Variants in STRBP observed in about 807,000 individuals in gnomAD.
The protein encoded by STRBP is spermatid perinuclear RNA-binding protein.
A neutral mutation model predicts 80.1 loss-of-function variants in STRBP; 13 were observed. The ratio of observed to expected loss-of-function variants is 0.16; its 90% CI spans 0.11 to 0.26. The LOEUF (loss-of-function observed/expected upper bound fraction) is 0.26. STRBP is among the 10% of genes least tolerant of loss of function. The pLI, the probability that STRBP is intolerant of heterozygous loss-of-function variation, is 1.00. For missense variants in STRBP, 485 were observed against 815.2 expected (o/e 0.59, Z 4.93); for synonymous variants, 284 against 291.2 (o/e 0.98, Z 0.25).
At chr9:123,206,277 T>C (rs2039510836) in intron 2 of STRBP, among the ~76,000 whole-genome samples, 1 of 152,220 alleles carries the variant, frequency 6.6e-6, no homozygotes, top group South Asian at 2.1e-4. Flanking sequence ...TGTAATCATA[T>C]TTTAAATACC....
At chr9:123,156,286 C>T (rs983022793) in intron 11 of STRBP, among the ~76,000 whole-genome samples, 32 of 152,062 alleles carry the variant, frequency 2.1e-4, no homozygotes, top group African/African-American at 7.2e-4. Flanking sequence ...ATGTAAATCC[C>T]TTTCAATAAT....
At chr9:123,152,129 A>C (rs546516000) in intron 11 of STRBP, among the ~76,000 whole-genome samples, 8 of 152,218 alleles carry the variant, frequency 5.3e-5, no homozygotes, top group Non-Finnish European at 1.0e-4. Context: ...TCCTATGCTT[A>C]TTAAGGGAAT....
chr9:123,221,982 T>C (rs1234166426), intron 2 of STRBP, among the ~76,000 whole-genome samples: 2 of 152,186 alleles, frequency 1.3e-5, no homozygotes, highest in East Asian at 1.9e-4. Flanking sequence ...CCAGTGATCG[T>C]CCTTACCTGA....
In STRBP at chr9:123,235,004, G is replaced by T. The variant is rs944654339; in HGVS notation, c.-165+1826C>A. Among the ~76,000 whole-genome samples the T allele has an allele frequency of 2.5e-4, 37 of 147,760 alleles. 1 individual carries two copies. The highest frequency in any genetic ancestry group is 6.0e-4 in the East Asian group (3 of 5,010). ...TCAACTGGCTTTTTTTTTGGGGGGG[G>T]GGGGTACTGGGTATTCAGGTTATAA... is the stretch of plus-strand genomic sequence containing the variant. On this transcript the variant is annotated intron_variant, in intron 2 of 18. Transcript: ENST00000348403.
At chr9:123,200,545 C>T (rs1235073524) in intron 2 of STRBP, among the ~76,000 whole-genome samples, 1 of 148,672 alleles carries the variant, frequency 6.7e-6, no homozygotes, top group African/African-American at 2.5e-5. Flanking sequence ...TGATCCTGGG[C>T]TTTTTCTGTT....
downstream of STRBP, among the ~76,000 whole-genome samples, chr9:123,119,616 C>T (rs1035156888): frequency 2.0e-5 from 3 of 152,034 alleles, no homozygotes; most frequent in African/African-American, 4.8e-5. Flanking sequence ...ACCAAGGAAC[C>T]GACACAGCTC....
At chr9:123,234,739 C>G (rs1472522939) in intron 2 of STRBP, among the ~76,000 whole-genome samples, 1 of 152,064 alleles carries the variant, frequency 6.6e-6, no homozygotes, top group African/African-American at 2.4e-5. Flanking sequence ...GGAAGCAGAT[C>G]ACTTGAGGTC....
At chr9:123,200,560 AT>A (rs1243929923) in intron 2 of STRBP, among the ~76,000 whole-genome samples, 1 of 146,316 alleles carries the variant, frequency 6.8e-6, no homozygotes, top group Non-Finnish European at 1.5e-5. Context: ...TCTGTTGGCA[AT>A]TTTTTTGTCT....
intron 1 of STRBP, among the ~76,000 whole-genome samples, chr9:123,253,995 C>T (rs1448260039): frequency 6.6e-6 from 1 of 152,112 alleles, no homozygotes. Context: ...TTCATTTAAA[C>T]TGAATCGTTC....
intron 2 of STRBP, among the ~76,000 whole-genome samples, chr9:123,219,082 A>C (rs1169018823): frequency 7.9e-6 from 1 of 127,156 alleles, no homozygotes; most frequent in Non-Finnish European, 1.5e-5. Flanking sequence ...CCCTGTAAAT[A>C]ATCACTGTAT....
At chr9:123,177,411 CT>C in intron 4 of STRBP, among the ~76,000 whole-genome samples, 2 of 151,128 alleles carry the variant, frequency 1.3e-5, no homozygotes, top group Middle Eastern at 6.8e-3. Flanking sequence ...AAACGAAATT[CT>C]TTTTTTTTAA....
At chr9:123,262,838 C>A (rs2041186777) in intron 1 of STRBP, among the ~76,000 whole-genome samples, 1 of 152,170 alleles carries the variant, frequency 6.6e-6, no homozygotes, top group East Asian at 1.9e-4. Context: ...CAAATCAGGT[C>A]ACTTGGTCAC....
Position 123,146,846 on chromosome 9 carries a change from A to G in STRBP, c.1338+9T>C. ...AAGAAAGCATTGCAAAGTAAAACAA[A>G]TACTGTACCTTCACCGCTACGTGAA... On this transcript the variant is annotated intron_variant, in intron 13 of 18. Coordinates refer to ENST00000348403, the MANE Select transcript of STRBP (RefSeq NM_018387.5). 1 of 1,600,154 alleles carries G rather than the reference A, an allele frequency of 6.2e-7. No individual in the cohort carries two copies. The highest frequency in any genetic ancestry group is 8.5e-7 in the Non-Finnish European group (1 of 1,170,454).
chr9:123,191,069 G>T lies in STRBP; in HGVS notation c.-164-6771C>A, dbSNP rs76063996. ...CCCTTGTGGTTTAAGTCCAGAAGAGGGAAATAATCAAAAGACAATAAATAT... is the reference window on the plus strand; with the variant it reads ...CCCTTGTGGTTTAAGTCCAGAAGAGTGAAATAATCAAAAGACAATAAATAT... On this transcript the variant is annotated intron_variant, in intron 2 of 18. Coordinates refer to ENST00000348403, the MANE Select transcript of STRBP (RefSeq NM_018387.5). 1.3e-3 allele frequency among the ~76,000 whole-genome samples: 204 copies of T among 152,204 alleles called. 3 individuals are homozygous for T. The East Asian group carries it at 0.033, about 24-fold the overall frequency.
Position 123,123,169 on chromosome 9 carries a change from C to T in STRBP, c.*2428G>A, listed in dbSNP as rs1243419712. 2.0e-5 allele frequency: 20 copies of T among 985,308 alleles called. No individual in the cohort carries two copies. In the East Asian group the frequency reaches 8.0e-4, roughly 39 times the overall value. The allele number at this position is 985,308 out of a possible 1,614,324, so 61.0% of individuals were successfully genotyped here. On this transcript the variant is annotated 3_prime_UTR_variant, in exon 19 of 19. Transcript: ENST00000348403. ...GGGCCCAAGTGAATAATAAATGGTGCGACGCTCAGAGGCTGGCAATAGGGG... is the reference window on the plus strand; with the variant it reads ...GGGCCCAAGTGAATAATAAATGGTGTGACGCTCAGAGGCTGGCAATAGGGG...
At chr9:123,210,365 C>A (rs924163138) in intron 2 of STRBP, among the ~76,000 whole-genome samples, 17 of 147,770 alleles carry the variant, frequency 1.2e-4, no homozygotes, top group Middle Eastern at 3.5e-3. Context: ...TACATACACC[C>A]AACAAAAGAT....
downstream of STRBP, among the ~76,000 whole-genome samples, chr9:123,118,700 C>A (rs887532315): frequency 6.6e-6 from 1 of 152,220 alleles, no homozygotes; most frequent in Non-Finnish European, 1.5e-5. Context: ...ATCTTATTTG[C>A]CTCCTTAAAG....
chr9:123,225,080 CA>C (rs2040193121), intron 2 of STRBP, among the ~76,000 whole-genome samples: 1 of 152,186 alleles, frequency 6.6e-6, no homozygotes, highest in African/African-American at 2.4e-5. Context: ...ACCATACACA[CA>C]CAATTTTGAT....
At chr9:123,243,497 T>C (rs947211412) in intron 1 of STRBP, among the ~76,000 whole-genome samples, 2 of 152,056 alleles carry the variant, frequency 1.3e-5, no homozygotes, top group African/African-American at 2.4e-5. Context: ...TTTTGTTCTA[T>C]GAAAGACACA....
Sources: gnomAD v4.1 joint callset for allele counts (sites outside exome capture counted in the v4.1 genomes callset) on GRCh38, gnomAD v4.1.1 for gene constraint, MANE v1.5 for transcripts, NCBI Gene and HGNC (gene_info 2026-07-23, HGNC 2026-07-21) for gene names.